The following OTUD7A variants were observed in gnomAD, a reference collection of about 807,000 sequenced individuals.
The protein encoded by OTUD7A is OTU deubiquitinase 7A.
In OTUD7A, 12 loss-of-function variants were observed where a neutral mutation model predicts 65.7. That is an observed-to-expected ratio of 0.18 (90% confidence interval 0.12 to 0.30). OTUD7A has a LOEUF of 0.30. Among genes scored for constraint, OTUD7A ranks in the 10% least tolerant of loss-of-function variants. The probability of loss-of-function intolerance (pLI) is 1.00; values close to 1 mark genes in which losing one functional copy is unlikely to be tolerated. For missense variants in OTUD7A, 1,148 were observed against 1,304.8 expected, an observed-to-expected ratio of 0.88 and a Z score of 1.85; for synonymous variants, 641 against 586.3, an observed-to-expected ratio of 1.09 and a Z score of -1.35.
intron 1 of OTUD7A, among the ~76,000 whole-genome samples, chr15:31,727,892 A>G (rs1253380691): frequency 6.6e-6 from 1 of 152,116 alleles, no homozygotes; most frequent in Non-Finnish European, 1.5e-5. Flanking sequence ...CATGTAAATG[A>G]CACCCCAGGG....
chr15:31,686,267 G>A (rs1450969126), intron 1 of OTUD7A, among the ~76,000 whole-genome samples: 1 of 152,232 alleles, frequency 6.6e-6, no homozygotes, highest in Non-Finnish European at 1.5e-5. Context: ...CTCTCTGCAG[G>A]GGCTTTGCCT....
intron 4 of OTUD7A, among the ~76,000 whole-genome samples, chr15:31,567,595 G>A (rs1251464260): frequency 3.3e-5 from 5 of 152,228 alleles, no homozygotes; most frequent in Non-Finnish European, 5.9e-5. Flanking sequence ...TTTGCATGAC[G>A]AAAAGGAAGC....
At chr15:31,692,336 A>G (rs1892975431) in intron 1 of OTUD7A, among the ~76,000 whole-genome samples, 2 of 102,172 alleles carry the variant, frequency 2.0e-5, no homozygotes, top group Admixed American at 1.4e-4. Context: ...AAAGTGTGGA[A>G]TATACACAGA....
chr15:31,689,772 G>A (rs1191257909), intron 1 of OTUD7A, among the ~76,000 whole-genome samples: 14 of 152,172 alleles, frequency 9.2e-5, no homozygotes, highest in Non-Finnish European at 1.9e-4. Context: ...CTTAACAGAC[G>A]TGAGGGTGGG....
chr15:31,634,550 C>A (rs1272888449), intron 3 of OTUD7A, among the ~76,000 whole-genome samples: 2 of 152,226 alleles, frequency 1.3e-5, no homozygotes, highest in African/African-American at 4.8e-5. Context: ...TCTGTCAAGG[C>A]CTTCCTTCAC....
intron 1 of OTUD7A, among the ~76,000 whole-genome samples, chr15:31,671,556 G>T (rs1250975150): frequency 7.2e-5 from 11 of 152,146 alleles, no homozygotes; most frequent in Admixed American, 6.5e-4. Context: ...ATTATGGATA[G>T]ATGTTGACTT....
At chr15:31,579,470 T>G (rs887731408) in intron 3 of OTUD7A, among the ~76,000 whole-genome samples, 4 of 152,122 alleles carry the variant, frequency 2.6e-5, no homozygotes, top group African/African-American at 9.7e-5. Flanking sequence ...GATGGCCACT[T>G]AGTGATGAAC....
At chr15:31,732,185 A>G (rs376205452) in intron 1 of OTUD7A, among the ~76,000 whole-genome samples, 1 of 152,210 alleles carries the variant, frequency 6.6e-6, no homozygotes, top group East Asian at 1.9e-4. Flanking sequence ...TAGTCATGCA[A>G]ACAGAACACC....
intron 1 of OTUD7A, chr15:31,766,126 G>C: frequency 7.0e-7 from 1 of 1,434,520 alleles, no homozygotes; most frequent in Non-Finnish European, 9.8e-7. Flanking sequence ...AAGTAAGAGG[G>C]TACTTGAAGA....
At chr15:31,817,529 T>C (rs1896581625) in intron 1 of OTUD7A, among the ~76,000 whole-genome samples, 1 of 152,184 alleles carries the variant, frequency 6.6e-6, no homozygotes, top group African/African-American at 2.4e-5. Flanking sequence ...TTTGGGTCTT[T>C]CCTTTGCTGA....
intron 1 of OTUD7A, among the ~76,000 whole-genome samples, chr15:31,870,067 GGCCCTGCCCGGCCGTCTGC>G (rs1897985115): frequency 6.6e-6 from 1 of 150,398 alleles, no homozygotes; most frequent in Admixed American, 6.6e-5. Context: ...CTCGGGGCCG[GGCCCTGCCCGGCCGTCTGC>G]AAGAGCCGCG....
At chr15:31,601,882 C>T (rs369044006) in intron 3 of OTUD7A, among the ~76,000 whole-genome samples, 15 of 152,306 alleles carry the variant, frequency 9.8e-5, no homozygotes, top group African/African-American at 3.6e-4. Context: ...TGGACATATA[C>T]ACCCTCCCAA....
At chr15:31,741,725 A>C (rs1894350228) in intron 1 of OTUD7A, among the ~76,000 whole-genome samples, 2 of 152,118 alleles carry the variant, frequency 1.3e-5, no homozygotes, top group Admixed American at 1.3e-4. Flanking sequence ...TATACAAGAA[A>C]ATAAAAAATA....
chr15:31,839,280 G>C (rs914679579), intron 1 of OTUD7A, among the ~76,000 whole-genome samples: 24 of 152,232 alleles, frequency 1.6e-4, no homozygotes, highest in African/African-American at 5.8e-4. Flanking sequence ...CCACTATTCA[G>C]TGACAAAGCC....
chr15:31,569,953 C>CCCG (rs1888993394), intron 4 of OTUD7A, 65 bp downstream of exon 4: 1 of 1,573,062 alleles, frequency 6.4e-7, no homozygotes, highest in Non-Finnish European at 8.7e-7. Context: ...TACCACGCAA[C>CCCG]CCGCCTGCAA....
intron 1 of OTUD7A, among the ~76,000 whole-genome samples, chr15:31,701,492 G>A (rs1893212769): frequency 6.6e-6 from 1 of 151,824 alleles, no homozygotes; most frequent in Non-Finnish European, 1.5e-5. Context: ...GGCCCTGGAG[G>A]CATCAAAAGG....
At chr15:31,678,658 G>T (rs1892645396) in intron 1 of OTUD7A, among the ~76,000 whole-genome samples, 1 of 152,206 alleles carries the variant, frequency 6.6e-6, no homozygotes, top group South Asian at 2.1e-4. Context: ...CTGCACAGAA[G>T]TCAAGAATTG....
chr15:31,557,552 A>G (rs568807430), intron 5 of OTUD7A: 10 of 152,364 alleles, frequency 6.6e-5, no homozygotes, highest in African/African-American at 2.4e-4. Flanking sequence ...CCCGGATGCC[A>G]CACCTACTGC....
intron 10 of OTUD7A, among the ~76,000 whole-genome samples, chr15:31,497,278 C>G (rs1265842307): frequency 6.6e-6 from 1 of 150,622 alleles, no homozygotes; most frequent in East Asian, 1.9e-4. Flanking sequence ...GAGATGAAGT[C>G]TCACTCTGTC....
Sources: gnomAD v4.1 joint callset for allele counts (sites outside exome capture counted in the v4.1 genomes callset) on GRCh38, gnomAD v4.1.1 for gene constraint, MANE v1.5 for transcripts, NCBI Gene and HGNC (gene_info 2026-07-23, HGNC 2026-07-21) for gene names.